The following TF variants were observed in gnomAD, a reference collection of about 807,000 sequenced individuals.
The protein encoded by TF is transferrin.
Under a neutral mutation model 82.4 loss-of-function variants are expected in TF, and 55 were observed. The ratio of observed to expected loss-of-function variants is 0.67; its 90% CI spans 0.54 to 0.84. TF has a LOEUF of 0.84. TF is among the 40% of genes least tolerant of loss of function. The pLI is 0.00. For missense variants in TF, 737 were observed against 868.4 expected, an observed-to-expected ratio of 0.85 and a Z score of 1.90; for synonymous variants, 332 against 332.6, an observed-to-expected ratio of 1.00 and a Z score of 0.02.
chr3:133,695,084 CTG>C, the TF span, among the ~76,000 whole-genome samples: 1 of 151,948 alleles, frequency 6.6e-6, no homozygotes, highest in African/African-American at 2.4e-5. Flanking sequence ...TGAGGAAAGA[CTG>C]ATACTCAGGA....
At chr3:133,746,158 A>C, upstream of TF, 1 of 537,916 alleles carries the variant, frequency 1.9e-6, no homozygotes, top group Non-Finnish European at 3.4e-6. Flanking sequence ...CGCGATGACA[A>C]TGGCTGCATT....
chr3:133,735,754 G>T, the TF span, among the ~76,000 whole-genome samples: 4 of 152,082 alleles, frequency 2.6e-5, no homozygotes, highest in Admixed American at 6.6e-5. Context: ...CAAGATTAGA[G>T]AAAAAAGAAT....
intron 15 of TF, among the ~76,000 whole-genome samples, chr3:133,775,921 T>A (rs1430309948): frequency 6.6e-6 from 1 of 152,194 alleles, no homozygotes; most frequent in Non-Finnish European, 1.5e-5. Context: ...GAGTATTAAG[T>A]GAAGACATGC....
chr3:133,768,303 TAGAGCCACATGGGGAGGGGCAGCC>T (rs1934177963), intron 13 of TF, 139 bp downstream of exon 13: 1 of 1,203,306 alleles, frequency 8.3e-7, no homozygotes, highest in Admixed American at 2.2e-5. Flanking sequence ...CAACCAGATA[TAGAGCCACATGGGGAGGGGCAGCC>T]AGACTCCCCC....
intron 3 of TF, chr3:133,753,988 C>T (rs1005651391): frequency 2.2e-5 from 12 of 539,978 alleles, no homozygotes; most frequent in African/African-American, 3.8e-5. Context: ...AAGGCTACTG[C>T]GGTCTACTGA....
the TF span, among the ~76,000 whole-genome samples, chr3:133,724,687 T>C: frequency 2.0e-5 from 3 of 152,234 alleles, no homozygotes; most frequent in African/African-American, 7.2e-5. Context: ...ATGTTGGCTT[T>C]TGTTGCCATT....
chr3:133,713,800 G>A, the TF span, among the ~76,000 whole-genome samples: 3 of 152,102 alleles, frequency 2.0e-5, no homozygotes, highest in Non-Finnish European at 4.4e-5. Context: ...GCCACCCATG[G>A]GGCCTCCCCT....
intron 9 of TF, among the ~76,000 whole-genome samples, chr3:133,759,943 T>G (rs1933946141): frequency 6.6e-6 from 1 of 152,128 alleles, no homozygotes; most frequent in African/African-American, 2.4e-5. Context: ...AAAATTCCCT[T>G]ATTGGGATCA....
At chr3:133,717,406 C>T in the TF span, among the ~76,000 whole-genome samples, 3 of 152,176 alleles carry the variant, frequency 2.0e-5, no homozygotes, top group African/African-American at 7.2e-5. Flanking sequence ...TAAGGGGATA[C>T]ACTCTGCTTC....
the TF span, among the ~76,000 whole-genome samples, chr3:133,735,677 G>A: frequency 2.6e-5 from 4 of 152,090 alleles, no homozygotes; most frequent in East Asian, 1.9e-4. Flanking sequence ...CAATTGTGCC[G>A]AATTGATCAG....
upstream of TF, among the ~76,000 whole-genome samples, chr3:133,741,074 C>T (rs1021777404): frequency 2.0e-5 from 3 of 147,762 alleles, no homozygotes; most frequent in Non-Finnish European, 4.5e-5. Flanking sequence ...TCACTGCAAC[C>T]TCTGCCTCCC....
At chr3:133,742,173 G>A (rs1186113019), upstream of TF, among the ~76,000 whole-genome samples, 1 of 152,108 alleles carries the variant, frequency 6.6e-6, no homozygotes, top group African/African-American at 2.4e-5. Flanking sequence ...GTAGAGACGA[G>A]TTCTCACTAT....
chr3:133,755,546 A>G (rs1933803049), intron 5 of TF, 51 bp downstream of exon 5: 1 of 1,611,412 alleles, frequency 6.2e-7, no homozygotes, highest in African/African-American at 1.3e-5. Flanking sequence ...AAATGTCCTC[A>G]GGGTGAGAGT....
chr3:133,666,966 G>A, the TF span, among the ~76,000 whole-genome samples: 79 of 152,174 alleles, frequency 5.2e-4, no homozygotes, highest in Middle Eastern at 3.4e-3. Flanking sequence ...AACCTGGGAG[G>A]TGGAGCTTGC....
chr3:133,713,373 G>T, the TF span, among the ~76,000 whole-genome samples: 1 of 152,206 alleles, frequency 6.6e-6, no homozygotes, highest in East Asian at 1.9e-4. Context: ...ACAAGGCTTT[G>T]TTGGAGCTTA....
At chr3:133,683,863 C>T in the TF span, among the ~76,000 whole-genome samples, 1 of 152,216 alleles carries the variant, frequency 6.6e-6, no homozygotes, top group African/African-American at 2.4e-5. Flanking sequence ...TAATAGACAT[C>T]TACAGAACTC....
chr3:133,688,092 A>T, the TF span: 2 of 152,640 alleles, frequency 1.3e-5, no homozygotes, highest in African/African-American at 4.8e-5. Flanking sequence ...ATTTGTGTGT[A>T]CCCTTCTCAG....
chr3:133,769,923 A>G (rs1934217886), intron 13 of TF, among the ~76,000 whole-genome samples: 1 of 151,910 alleles, frequency 6.6e-6, no homozygotes, highest in South Asian at 2.1e-4. Context: ...CTGTGTTACA[A>G]CCCCCATTAC....
chr3:133,794,206 A>G lies in TF; in HGVS notation c.*15586A>G, dbSNP rs1418325172. 1 of 152,272 alleles carries G rather than the reference A, an allele frequency of 6.6e-6. No individual in the cohort carries two copies. The highest frequency in any genetic ancestry group is 1.9e-4 in the East Asian group (1 of 5,190). The allele number at this position is 152,272 out of a possible 1,614,324, so 9.4% of individuals were successfully genotyped here. ...AAGTCGTTAAAGCTTTTGTTAGTAA[A>G]ATTTCTGCATTACATGACTCGTCAC... On this transcript the variant is annotated 3_prime_UTR_variant, in exon 17 of 17. Coordinates refer to ENST00000402696, the MANE Select transcript of TF (RefSeq NM_001063.4).
Sources: gnomAD v4.1 joint callset for allele counts (sites outside exome capture counted in the v4.1 genomes callset) on GRCh38, gnomAD v4.1.1 for gene constraint, MANE v1.5 for transcripts, NCBI Gene and HGNC (gene_info 2026-07-23, HGNC 2026-07-21) for gene names.